The following WWC1 variants were observed in gnomAD, a reference collection of about 807,000 sequenced individuals.
The protein encoded by WWC1 is WW and C2 domain containing 1.
WWC1 carries 55 observed loss-of-function variants against 138.4 expected under a neutral mutation model. The observed-to-expected ratio is 0.40, with a 90% CI of 0.32 to 0.50. WWC1 has a LOEUF of 0.50. WWC1 is among the 20% of genes least tolerant of loss of function. WWC1 has a pLI of 0.72. For synonymous variants in WWC1, 524 were observed against 564.9 expected, an observed-to-expected ratio of 0.93 and a Z score of 1.03; for missense variants, 1,226 against 1,420.4, an observed-to-expected ratio of 0.86 and a Z score of 2.20.
intron 1 of WWC1, among the ~76,000 whole-genome samples, chr5:168,335,356 C>G (rs1304395491): frequency 6.6e-6 from 1 of 152,226 alleles, no homozygotes; most frequent in East Asian, 1.9e-4. Context: ...CATGGCGGCT[C>G]ACACCTGTAA....
Position 168,464,931 on chromosome 5 carries a change from T to G in WWC1, c.3119T>G (p.Phe1040Cys). ...CAGTGGTTGCGTGAGGACGAGCGTT[T>G]CCGCCTGCTGCTGAGGATGCTGGAG... is the stretch of plus-strand genomic sequence containing the variant. The part of the protein sequence containing the change: ...LPQWLREDER[F>C]RLLLRMLEKR... Residue 1040 changes from phenylalanine (F) to cysteine (C), a missense_variant, in exon 21 of 23, where the codon TTC becomes TGC. Phe to Cys is a radical substitution (Grantham distance 205). Around this residue, in one of 3 missense-constraint regions of WWC1, gnomAD observed 206 missense variants for 247.4 expected, o/e 0.83. Transcript: ENST00000265293. 1 of 1,614,084 alleles carries G rather than the reference T, an allele frequency of 6.2e-7. No homozygotes were observed. The highest frequency in any genetic ancestry group is 8.5e-7 in the Non-Finnish European group (1 of 1,179,988).
chr5:168,316,244 G>T (rs964327451), intron 1 of WWC1, among the ~76,000 whole-genome samples: 1 of 152,196 alleles, frequency 6.6e-6, no homozygotes, highest in Non-Finnish European at 1.5e-5. Flanking sequence ...GATACCAGCA[G>T]CCCCAGACAG....
chr5:168,411,966 T>A, intron 8 of WWC1: 1 of 984,518 alleles, frequency 1.0e-6, no homozygotes, highest in Non-Finnish European at 1.2e-6. Context: ...TGAATACTGG[T>A]CAGGTAGAAA....
chr5:168,340,337 A>G (rs367744235), intron 1 of WWC1, among the ~76,000 whole-genome samples: 3 of 152,234 alleles, frequency 2.0e-5, no homozygotes, highest in African/African-American at 7.2e-5. Context: ...CAGCCTCCCA[A>G]AGTGCTGCGA....
chr5:168,300,125 C>T (rs1008721761), intron 1 of WWC1, among the ~76,000 whole-genome samples: 31 of 130,708 alleles, frequency 2.4e-4, no homozygotes, highest in African/African-American at 9.9e-4. Context: ...CAGCTGGCTG[C>T]ACACCTTTAG....
intron 13 of WWC1, 37 bp from the exon 14 acceptor site, chr5:168,430,100 T>A (rs746794669): frequency 2.7e-6 from 4 of 1,486,838 alleles, no homozygotes; most frequent in Non-Finnish European, 2.8e-6. Context: ...ATGAGTGTGT[T>A]ACTAATAGGT....
At chr5:168,437,507 G>A (rs927727165) in intron 15 of WWC1, among the ~76,000 whole-genome samples, 2 of 152,108 alleles carry the variant, frequency 1.3e-5, no homozygotes, top group African/African-American at 4.8e-5. Context: ...CTATGGAGTT[G>A]TTATCTGATC....
At chr5:168,365,795 T>A (rs1776245724) in intron 1 of WWC1, among the ~76,000 whole-genome samples, 1 of 152,242 alleles carries the variant, frequency 6.6e-6, no homozygotes, top group South Asian at 2.1e-4. Flanking sequence ...GGAATGTTTG[T>A]GCTCCTTTAG....
intron 3 of WWC1, among the ~76,000 whole-genome samples, chr5:168,397,499 T>G (rs1778989553): frequency 2.0e-5 from 3 of 152,140 alleles, no homozygotes; most frequent in Admixed American, 2.0e-4. Flanking sequence ...CATAATGAGT[T>G]TCAACATTTT....
At position 168,406,339 on chromosome 5, in the gene WWC1, C is replaced by T; in HGVS notation, c.720+12C>T. The T allele has an allele frequency of 1.2e-6, 2 of 1,613,086 alleles. No individual in the cohort carries two copies. Among genetic ancestry groups the T allele is most frequent in the Non-Finnish European group, 1.7e-6 (2 of 1,179,414 alleles). On this transcript the variant is annotated intron_variant, in intron 6 of 22. Coordinates refer to ENST00000265293, the MANE Select transcript of WWC1 (RefSeq NM_015238.3). ...AAGATCTCATTAAGGTATGCAAGTT[C>T]CTGTTGATGTGGGTGCCATCTTGAT...
intron 8 of WWC1, among the ~76,000 whole-genome samples, chr5:168,412,789 A>G (rs1780329868): frequency 6.6e-6 from 1 of 152,216 alleles, no homozygotes; most frequent in Admixed American, 6.5e-5. Context: ...TAGCATTTAC[A>G]TTGTGTTGGG....
At chr5:168,407,399 C>G (rs73392734) in intron 6 of WWC1, among the ~76,000 whole-genome samples, 1 of 152,118 alleles carries the variant, frequency 6.6e-6, no homozygotes, top group Non-Finnish European at 1.5e-5. Context: ...TCTCTTACCC[C>G]CTGTACATAT....
At chr5:168,338,396 T>TAG (rs1475494025) in intron 1 of WWC1, among the ~76,000 whole-genome samples, 6 of 149,500 alleles carry the variant, frequency 4.0e-5, no homozygotes, top group Non-Finnish European at 7.4e-5. Context: ...AGTGACAGGA[T>TAG]AGAGTTTCCT....
chr5:168,428,056 G>A lies in WWC1; in HGVS notation c.1834G>A (p.Gly612Ser). The A allele has an allele frequency of 6.2e-7, 1 of 1,613,740 alleles. No homozygotes were observed. ...GQAVNTAQGC[G>S]LKVACVSAAV... ...AGCTGTGAATACGGCCCAGGGGTGT[G>A]GCCTGAAAGTGGCCTGTGTCTCAGC... The change falls in exon 12 of 23, where the codon GGC becomes AGC. Residue 612 changes from glycine to serine, a missense_variant. Gly to Ser is a moderately conservative substitution (Grantham distance 56). Around this residue, in one of 3 missense-constraint regions of WWC1, gnomAD observed 1,016 missense variants for 1,153.9 expected, o/e 0.88. Coordinates refer to ENST00000265293, the MANE Select transcript of WWC1 (RefSeq NM_015238.3).
At chr5:168,366,316 G>T (rs1040214432) in intron 1 of WWC1, among the ~76,000 whole-genome samples, 6 of 152,148 alleles carry the variant, frequency 3.9e-5, no homozygotes, top group Non-Finnish European at 5.9e-5. Context: ...AGAGAATCTT[G>T]CTGTCCAGAT....
At chr5:168,455,224 C>A in intron 18 of WWC1, 132 bp from the exon 19 acceptor site, 1 of 1,191,956 alleles carries the variant, frequency 8.4e-7, no homozygotes, top group Non-Finnish European at 1.2e-6. Context: ...AGGGCTAATG[C>A]CAAGGAAACC....
intron 1 of WWC1, among the ~76,000 whole-genome samples, chr5:168,294,109 C>T (rs1409481875): frequency 6.6e-6 from 1 of 152,178 alleles, no homozygotes; most frequent in Non-Finnish European, 1.5e-5. Context: ...CCCCTGCCAA[C>T]ACTGATAATC....
intron 16 of WWC1, among the ~76,000 whole-genome samples, chr5:168,442,573 A>G (rs1234401579): frequency 6.6e-6 from 1 of 151,932 alleles, no homozygotes; most frequent in African/African-American, 2.4e-5. Context: ...GTGGTGACTC[A>G]TGCCTGTAAT....
At chr5:168,342,557 C>T (rs2152779258) in intron 1 of WWC1, among the ~76,000 whole-genome samples, 1 of 152,118 alleles carries the variant, frequency 6.6e-6, no homozygotes. Flanking sequence ...TCGTGGAGGC[C>T]CTGAAGGCTT....
Sources: gnomAD v4.1 joint callset for allele counts (sites outside exome capture counted in the v4.1 genomes callset) on GRCh38, gnomAD v4.1.1 for gene constraint, gnomAD v4.1.1 regional missense constraint, MANE v1.5 for transcripts, NCBI Gene and HGNC (gene_info 2026-07-23, HGNC 2026-07-21) for gene names.